The following HEATR5B variants were observed in gnomAD, a reference collection of about 807,000 sequenced individuals.
HEATR5B encodes HEAT repeat containing 5B, also known as HEAT repeat-containing protein 5B.
A neutral mutation model predicts 224.1 loss-of-function variants in HEATR5B; 156 were observed. The ratio of observed to expected loss-of-function variants is 0.70; its 90% CI spans 0.61 to 0.80. The LOEUF (loss-of-function observed/expected upper bound fraction) is 0.80. Among genes scored for constraint, HEATR5B ranks in the 30% least tolerant of loss-of-function variants. The probability of loss-of-function intolerance (pLI) is 0.00; values close to 1 mark genes in which losing one functional copy is unlikely to be tolerated. For missense variants in HEATR5B, 2,323 were observed against 2,535.5 expected (o/e 0.92, Z 1.80); for synonymous variants, 1,027 against 893.0 (o/e 1.15, Z -2.68).
chr2:37,060,690 C>A lies in HEATR5B; in HGVS notation c.1740G>T (p.Leu580Phe), dbSNP rs1294722187. 1 of 1,613,804 alleles carries A rather than the reference C, an allele frequency of 6.2e-7. No homozygotes were observed. The highest frequency in any genetic ancestry group is 1.7e-5 in the Admixed American group (1 of 59,960). The change falls in exon 12 of 36, where the codon TTG becomes TTT. Residue 580 changes from leucine (L) to phenylalanine (F), a missense_variant. This residue lies in a region of HEATR5B where 502 missense variants were observed against 517.8 expected (regional missense o/e 0.97). Transcript: ENST00000233099. ...VRYHLPKMLL[L>F]WRNVFPRSLK... The stretch of plus-strand genomic sequence containing the variant: ...AGGAACGTGGGAAAACATTTCGCCA[C>A]AATAACAACATCTTGGGCAGATGGT...
At chr2:37,031,903 C>G (rs1410452546) in intron 22 of HEATR5B, among the ~76,000 whole-genome samples, 1 of 111,156 alleles carries the variant, frequency 9.0e-6, no homozygotes, top group Non-Finnish European at 2.0e-5. Context: ...GGAATTTAAG[C>G]TATACCTAAA....
rs1000791974 is a variant in HEATR5B at position 37,034,440 on chromosome 2, C to G, written c.3217-1667G>C. Among the ~76,000 whole-genome samples the G allele has an allele frequency of 2.8e-5, 4 of 142,928 alleles. No homozygotes were observed. The South Asian group carries it at 8.9e-4, about 32-fold the overall frequency. The allele number at this position is 142,928 out of a possible 152,430, so 93.8% of individuals were successfully genotyped here. Reference sequence around the variant, plus strand: ...CATCCCGGCTAAAACGGTGAAACCCCGTCTCTACTAAAAATACAAAAAATT... The same window carrying G: ...CATCCCGGCTAAAACGGTGAAACCCGGTCTCTACTAAAAATACAAAAAATT... On this transcript the variant is annotated intron_variant, in intron 21 of 35. Coordinates refer to ENST00000233099, the MANE Select transcript of HEATR5B (RefSeq NM_019024.3).
Position 37,020,007 on chromosome 2 carries a change from G to A in HEATR5B, c.4036-130C>T, listed in dbSNP as rs375498123. Reference sequence around the variant, plus strand: ...CAACCTCTGCCTCGTAGGCTCAAGCGATTCTCCTCCCTCAGCCTCCGAAGT... The same window carrying A: ...CAACCTCTGCCTCGTAGGCTCAAGCAATTCTCCTCCCTCAGCCTCCGAAGT... On this transcript the variant is annotated intron_variant, in intron 25 of 35. Coordinates refer to ENST00000233099, the MANE Select transcript of HEATR5B (RefSeq NM_019024.3). The A allele has an allele frequency of 1.1e-3, 640 of 589,562 alleles. 2 individuals are homozygous for A. The highest frequency in any genetic ancestry group is 1.5e-3 in the Non-Finnish European group (518 of 338,528). 36.5% of individuals were successfully genotyped at this position (589,562 alleles called of 1,614,324 possible). A position where few individuals can be genotyped will look rare whatever the true frequency, so the allele number is the denominator to read the frequency against.
chr2:36,985,100 G>A (rs1262059560), intron 35 of HEATR5B, among the ~76,000 whole-genome samples: 2 of 152,102 alleles, frequency 1.3e-5, no homozygotes, highest in Non-Finnish European at 2.9e-5. Context: ...ATCTGTAAAT[G>A]GGATGAAAAA....
At chr2:37,049,255 T>C (rs1194766545) in intron 18 of HEATR5B, among the ~76,000 whole-genome samples, 2 of 152,020 alleles carry the variant, frequency 1.3e-5, no homozygotes, top group African/African-American at 2.4e-5. Context: ...TTGGCAGCAG[T>C]TAGAAAAAGA....
rs751288831 is a variant in HEATR5B at position 37,075,631 on chromosome 2, G to T, written c.451C>A (p.Gln151Lys). 2.5e-5 allele frequency: 41 copies of T among 1,611,624 alleles called. No individual in the cohort carries two copies. In the Admixed American group the frequency reaches 6.7e-4, roughly 26 times the overall value. Residue 151 changes from glutamine (Q) to lysine (K), a missense_variant, in exon 5 of 36, where the codon CAA becomes AAA. Gln to Lys is a moderately conservative substitution (Grantham distance 53). Around this residue, in one of 12 missense-constraint regions of HEATR5B, gnomAD observed 292 missense variants for 332.6 expected, o/e 0.88. Coordinates refer to ENST00000233099, the MANE Select transcript of HEATR5B (RefSeq NM_019024.3). ...CTCATTAAGATTTCACTTCGCCCTT[G>T]AGACTAGACATGTATACAAAACAAA... ...LLKSLKSAES[Q>K]GRSEILMSLQ...
At chr2:37,043,088 A>T (rs1482346795) in intron 18 of HEATR5B, among the ~76,000 whole-genome samples, 2 of 152,186 alleles carry the variant, frequency 1.3e-5, no homozygotes, top group African/African-American at 4.8e-5. Context: ...TCTGACTGAA[A>T]TGTTAGAGTT....
chr2:36,981,514 A>T lies in HEATR5B; in HGVS notation c.6192T>A (p.Ile2064=). Residue 2064 remains isoleucine (I), a synonymous_variant, in exon 36 of 36, where the codon ATT becomes ATA. Coordinates refer to ENST00000233099, the MANE Select transcript of HEATR5B (RefSeq NM_019024.3). ...ATTAAAAAAAACTTGTTTTTAGCTT[A>T]ATTGTTGGTGCAGAATGTATGGCGG... The part of the protein sequence containing the change: ...PAPAIHSAPT[I]KLKTSFF 1 of 1,598,544 alleles carries T rather than the reference A, an allele frequency of 6.3e-7. No homozygotes were observed. The highest frequency in any genetic ancestry group is 2.2e-5 in the East Asian group (1 of 44,768).
In HEATR5B at chr2:37,082,619, T is replaced by C. The variant is rs571733848; in HGVS notation, c.126+670A>G. The stretch of plus-strand genomic sequence containing the variant: ...GATCTGCGCCTTAAGGGCATGTTCC[T>C]GCTGCACAGAACTAGCCAGACCCAC... On this transcript the variant is annotated intron_variant, in intron 2 of 35. Coordinates refer to ENST00000233099, the MANE Select transcript of HEATR5B (RefSeq NM_019024.3). Among the ~76,000 whole-genome samples the C allele has an allele frequency of 2.0e-5, 3 of 152,360 alleles. No individual in the cohort carries two copies. The East Asian group carries it at 5.8e-4, about 29-fold the overall frequency.
intron 22 of HEATR5B, among the ~76,000 whole-genome samples, chr2:37,030,119 T>C (rs1188507583): frequency 1.3e-5 from 2 of 152,122 alleles, no homozygotes; most frequent in Non-Finnish European, 2.9e-5. Context: ...ATGAGTATTA[T>C]TACGCCCTCT....
In HEATR5B at chr2:37,057,358, A is replaced by C; in HGVS notation, c.2182T>G (p.Ser728Ala). 1 of 1,610,744 alleles carries C rather than the reference A, an allele frequency of 6.2e-7. No individual in the cohort carries two copies. Among genetic ancestry groups the C allele is most frequent in the Non-Finnish European group, 8.5e-7 (1 of 1,178,880 alleles). ...CHYDDSVLLG[S>A]WLQETDHKSI... ...TTATGATCAGTTTCCTGAAGCCAAG[A>C]ACCAAGAAGAACACTATCATCATAA... The change falls in exon 15 of 36, where the codon TCT (serine) becomes GCT (alanine). Residue 728 changes from serine to alanine, a missense_variant. By Grantham distance (99) the Ser-to-Ala change is moderately conservative. Around this residue, in one of 12 missense-constraint regions of HEATR5B, gnomAD observed 5 missense variants for 21.9 expected, o/e 0.23. Transcript: ENST00000233099.
chr2:37,036,588 T>C (rs1456787254), intron 21 of HEATR5B, among the ~76,000 whole-genome samples: 9 of 152,086 alleles, frequency 5.9e-5, no homozygotes, highest in Non-Finnish European at 1.2e-4. Flanking sequence ...CTTGGCTCAC[T>C]ATAACCTCCA....
Position 37,007,781 on chromosome 2 carries a change from T to A in HEATR5B, c.4523-477A>T, listed in dbSNP as rs75370310. Among the ~76,000 whole-genome samples the A allele has an allele frequency of 3.5e-3, 530 of 152,372 alleles. 2 individuals are homozygous for A. The highest frequency in any genetic ancestry group is 0.015 in the South Asian group (72 of 4,834). On this transcript the variant is annotated intron_variant, in intron 28 of 35. Transcript: ENST00000233099. Reference sequence around the variant, plus strand: ...CTTTTCTGTAGCTGATGAACTGGAATACCTGTCTCTTCCTCACTGATGCTA... The same window carrying A: ...CTTTTCTGTAGCTGATGAACTGGAAAACCTGTCTCTTCCTCACTGATGCTA...
intron 9 of HEATR5B, among the ~76,000 whole-genome samples, chr2:37,065,383 G>A (rs1202897111): frequency 6.6e-6 from 1 of 150,552 alleles, no homozygotes; most frequent in Non-Finnish European, 1.5e-5. Flanking sequence ...GCATGATTTC[G>A]GCTCACTGCA....
In HEATR5B at chr2:37,058,529, G is replaced by A. The variant is rs1671054662; in HGVS notation, c.1981C>T (p.His661Tyr). ...IPSVMKAHGA[H>Y]LKASAAMVRL... ...ACCATTGCAGCACTAGCTTTCAGAT[G>A]AGCTCCATGGGCTTTCATTACAGAT... Residue 661 changes from histidine (H) to tyrosine (Y), a missense_variant, in exon 14 of 36, where the codon CAT (histidine) becomes TAT (tyrosine). Around this residue, in one of 12 missense-constraint regions of HEATR5B, gnomAD observed 502 missense variants for 517.8 expected, o/e 0.97. Transcript: ENST00000233099. The A allele has an allele frequency of 6.2e-7, 1 of 1,612,546 alleles. No individual in the cohort carries two copies. Among genetic ancestry groups the A allele is most frequent in the South Asian group, 1.1e-5 (1 of 91,038 alleles).
chr2:37,068,674 T>C lies in HEATR5B; in HGVS notation c.1177+7A>G, dbSNP rs1475505838. ...TAATCAACACACATAATGATACTGA[T>C]TCTTACCTACGGCTTTCATTTGTTT... On this transcript the variant is annotated splice_region_variant and intron_variant, in intron 8 of 35. Transcript: ENST00000233099. The C allele has an allele frequency of 6.2e-7, 1 of 1,613,846 alleles. No individual in the cohort carries two copies. The highest frequency in any genetic ancestry group is 2.2e-5 in the East Asian group (1 of 44,880).
intron 17 of HEATR5B, among the ~76,000 whole-genome samples, chr2:37,050,899 G>C (rs1320380365): frequency 6.6e-6 from 1 of 150,584 alleles, no homozygotes; most frequent in Non-Finnish European, 1.5e-5. Context: ...AAATTAGCTG[G>C]GTGTGGTTGC....
chr2:37,015,359 T>C (rs997924684), intron 26 of HEATR5B, among the ~76,000 whole-genome samples: 1 of 152,222 alleles, frequency 6.6e-6, no homozygotes, highest in African/African-American at 2.4e-5. Context: ...CCAGTACTTC[T>C]GTATAAGAAA....
intron 10 of HEATR5B, 37 bp downstream of exon 10, chr2:37,064,703 C>T (rs569122025): frequency 2.4e-5 from 38 of 1,607,118 alleles, no homozygotes; most frequent in African/African-American, 6.7e-5. Context: ...CCAAAGCCCA[C>T]GTGACAGCAT....
Sources: gnomAD v4.1 joint callset for allele counts (sites outside exome capture counted in the v4.1 genomes callset) on GRCh38, gnomAD v4.1.1 for gene constraint, gnomAD v4.1.1 regional missense constraint, MANE v1.5 for transcripts, NCBI Gene and HGNC (gene_info 2026-07-23, HGNC 2026-07-21) for gene names.